The following ANKHD1 variants were observed in gnomAD, a reference collection of about 807,000 sequenced individuals.
ANKHD1 encodes the protein ankyrin repeat and KH domain containing 1.
In ANKHD1, 31 loss-of-function variants were observed where a neutral mutation model predicts 230.5. The observed-to-expected ratio is 0.13, with a 90% CI of 0.10 to 0.18. ANKHD1 has a LOEUF of 0.18. ANKHD1 is among the 10% of genes least tolerant of loss of function. The pLI, the probability that ANKHD1 is intolerant of heterozygous loss-of-function variation, is 1.00. For synonymous variants in ANKHD1, 1,074 were observed against 1,117.6 expected (o/e 0.96, Z 0.78); for missense variants, 2,256 against 3,071.3 (o/e 0.73, Z 6.27).
chr5:140,423,136 G>T (rs574335152), intron 1 of ANKHD1, among the ~76,000 whole-genome samples: 12 of 152,052 alleles, frequency 7.9e-5, no homozygotes, highest in Non-Finnish European at 1.6e-4. Context: ...GGCCTTAAGT[G>T]ATCGTCCTGC....
Position 140,512,940 on chromosome 5 carries a change from A to C in ANKHD1, c.4200+17A>C. Reference sequence around the variant, plus strand: ...ACAGATAAGGTAAGTTTAATATGCTACTGAAGCACATTTTTGTTCTTTGTG... The same window carrying C: ...ACAGATAAGGTAAGTTTAATATGCTCCTGAAGCACATTTTTGTTCTTTGTG... On this transcript the variant is annotated intron_variant, in intron 23 of 33. Coordinates refer to ENST00000360839, the MANE Select transcript of ANKHD1 (RefSeq NM_017747.3). 6.4e-7 allele frequency: 1 copy of C among 1,572,794 alleles called. No individual in the cohort carries two copies. Among genetic ancestry groups the C allele is most frequent in the Non-Finnish European group, 8.6e-7 (1 of 1,162,628 alleles).
At chr5:140,444,918 A>G (rs572154884) in intron 5 of ANKHD1, among the ~76,000 whole-genome samples, 1 of 151,986 alleles carries the variant, frequency 6.6e-6, no homozygotes, top group African/African-American at 2.4e-5. Flanking sequence ...AGTCTTTTGT[A>G]TTGGGCTTTC....
intron 7 of ANKHD1, among the ~76,000 whole-genome samples, chr5:140,455,743 C>G (rs2126957103): frequency 6.6e-6 from 1 of 152,198 alleles, no homozygotes; most frequent in Non-Finnish European, 1.5e-5. Flanking sequence ...CTATGACAAC[C>G]CCACAGCCAA....
intron 3 of ANKHD1, 140 bp downstream of exon 3, chr5:140,438,757 A>T: frequency 8.6e-7 from 1 of 1,161,888 alleles, no homozygotes; most frequent in Non-Finnish European, 1.2e-6. Context: ...TGGATATATA[A>T]ATGTATATGT....
At chr5:140,407,187 C>T (rs907308604) in intron 1 of ANKHD1, among the ~76,000 whole-genome samples, 1 of 149,196 alleles carries the variant, frequency 6.7e-6, no homozygotes, top group Non-Finnish European at 1.5e-5. Context: ...TCAGCCTACT[C>T]AGGAGGCTGA....
At chr5:140,426,278 A>G (rs752892915) in intron 1 of ANKHD1, among the ~76,000 whole-genome samples, 15 of 151,958 alleles carry the variant, frequency 9.9e-5, no homozygotes, top group Non-Finnish European at 1.6e-4. Context: ...ACAGGCACAC[A>G]CCATCACGCC....
At chr5:140,455,656 A>T (rs1775119096) in intron 7 of ANKHD1, among the ~76,000 whole-genome samples, 1 of 152,246 alleles carries the variant, frequency 6.6e-6, no homozygotes, top group African/African-American at 2.4e-5. Flanking sequence ...CTTTGACAAA[A>T]TTCAACAACC....
intron 22 of ANKHD1, 58 bp from the exon 23 acceptor site, chr5:140,512,770 A>T: frequency 6.9e-7 from 1 of 1,455,166 alleles, no homozygotes; most frequent in Non-Finnish European, 9.3e-7. Flanking sequence ...TTTTATTCTT[A>T]AGAATAATAA....
intron 30 of ANKHD1, among the ~76,000 whole-genome samples, chr5:140,536,806 C>G (rs1206654201): frequency 6.6e-6 from 1 of 152,016 alleles, no homozygotes; most frequent in Non-Finnish European, 1.5e-5. Context: ...GGCAGATCAC[C>G]TGAGGTTGGG....
intron 22 of ANKHD1, 56 bp from the exon 23 acceptor site, chr5:140,512,769 TAAG>T: frequency 2.1e-6 from 3 of 1,452,866 alleles, no homozygotes; most frequent in Non-Finnish European, 2.8e-6. Flanking sequence ...CTTTTATTCT[TAAG>T]AATAATAATT....
At chr5:140,509,174 G>C (rs964335373) in intron 20 of ANKHD1, among the ~76,000 whole-genome samples, 1 of 152,128 alleles carries the variant, frequency 6.6e-6, no homozygotes, top group African/African-American at 2.4e-5. Flanking sequence ...TTCATTGTGT[G>C]CCACTCATCC....
At chr5:140,406,970 G>A (rs1009303506) in intron 1 of ANKHD1, among the ~76,000 whole-genome samples, 8 of 151,982 alleles carry the variant, frequency 5.3e-5, no homozygotes, top group African/African-American at 1.9e-4. Context: ...ATGTATCCAT[G>A]TTCAGAATAG....
chr5:140,521,794 ACATGGTAAAAC>A (rs1753361951), intron 24 of ANKHD1, among the ~76,000 whole-genome samples: 1 of 152,172 alleles, frequency 6.6e-6, no homozygotes, highest in South Asian at 2.1e-4. Context: ...AGGCTGGCTA[ACATGGTAAAAC>A]CCTTCTCTAC....
chr5:140,527,993 T>C lies in ANKHD1; in HGVS notation c.5208T>C (p.Asp1736=), dbSNP rs1186962456. Residue 1736 remains aspartate (D), a synonymous_variant, in exon 28 of 34, where the codon GAT becomes GAC. Transcript: ENST00000360839. This position sits in a 1 kb window ranked among gnomAD's most constrained non-coding sequence, Gnocchi z 4.5. ...GAHIDVDKQK[D]KNGERMITIR... is the part of the protein sequence containing the mutation. ...ATATTGATGTGGATAAACAAAAAGATAAGAATGGCGAGAGAATGATCACAA... is the reference window on the plus strand; with the variant it reads ...ATATTGATGTGGATAAACAAAAAGACAAGAATGGCGAGAGAATGATCACAA... The C allele has an allele frequency of 4.3e-6, 7 of 1,613,788 alleles. No individual in the cohort carries two copies. The Middle Eastern group carries it at 5.0e-4, about 114-fold the overall frequency.
intron 9 of ANKHD1, among the ~76,000 whole-genome samples, chr5:140,460,169 T>G (rs933070867): frequency 6.6e-6 from 1 of 152,206 alleles, no homozygotes; most frequent in African/African-American, 2.4e-5. Context: ...ATTAATTTAT[T>G]TTTACAGAGT....
intron 1 of ANKHD1, among the ~76,000 whole-genome samples, chr5:140,408,997 C>T (rs763407592): frequency 6.6e-6 from 1 of 152,030 alleles, no homozygotes; most frequent in Non-Finnish European, 1.5e-5. Flanking sequence ...TAGAAGCATC[C>T]CTGGCCTCTA....
intron 7 of ANKHD1, 66 bp from the exon 8 acceptor site, chr5:140,458,559 C>T: frequency 6.6e-7 from 1 of 1,518,092 alleles, no homozygotes; most frequent in Non-Finnish European, 8.9e-7. Flanking sequence ...TTTCTTCTCT[C>T]CCACTTAAAA....
Position 140,537,517 on chromosome 5 carries a change from C to G in ANKHD1, c.7156C>G (p.Pro2386Ala), listed in dbSNP as rs139029039. The G allele has an allele frequency of 6.9e-4, 1,110 of 1,613,472 alleles. 8 individuals are homozygous for G. The African/African-American group carries it at 0.013, about 19-fold the overall frequency. The change falls in exon 31 of 34, where the codon CCG (proline) becomes GCG (alanine). Residue 2386 changes from proline (P) to alanine (A), a missense_variant. Physicochemically the swap from Pro to Ala is conservative, Grantham distance 27. This residue lies in a region of ANKHD1 where 778 missense variants were observed against 966.5 expected (regional missense o/e 0.80). Coordinates refer to ENST00000360839, the MANE Select transcript of ANKHD1 (RefSeq NM_017747.3). ...GCAAGGAGGGTCTGTTGCACAAGCCCCGGCGGGGACCAGTTTTGTCGCTCC... is the reference window on the plus strand; with the variant it reads ...GCAAGGAGGGTCTGTTGCACAAGCCGCGGCGGGGACCAGTTTTGTCGCTCC... ...IRQGGSVAQA[P>A]AGTSFVAPVG...
At chr5:140,413,711 G>C (rs930276661) in intron 1 of ANKHD1, among the ~76,000 whole-genome samples, 9 of 151,978 alleles carry the variant, frequency 5.9e-5, no homozygotes, top group Admixed American at 6.6e-5. Context: ...ATATGTATGT[G>C]TGTGTGTATA....
Sources: gnomAD v4.1 joint callset for allele counts (sites outside exome capture counted in the v4.1 genomes callset) on GRCh38, gnomAD v4.1.1 for gene constraint, gnomAD v4.1.1 regional missense constraint, Gnocchi (gnomAD v3.1) non-coding constraint, MANE v1.5 for transcripts, NCBI Gene and HGNC (gene_info 2026-07-23, HGNC 2026-07-21) for gene names.